ZSWIM5: variants seen among roughly 807,000 people sequenced by gnomAD.
The protein encoded by ZSWIM5 is zinc finger SWIM-type containing 5.
ZSWIM5 carries 55 observed loss-of-function variants against 119.6 expected under a neutral mutation model. That is an observed-to-expected ratio of 0.46 (90% CI 0.37 to 0.58). The LOEUF (loss-of-function observed/expected upper bound fraction) is 0.58, where lower values mean the gene tolerates loss of function less well. Among genes scored for constraint, ZSWIM5 ranks in the 20% least tolerant of loss-of-function variants. ZSWIM5 has a pLI of 0.00. For missense variants in ZSWIM5, 1,193 were observed against 1,512.8 expected (o/e 0.79, Z 3.51); for synonymous variants, 537 against 606.9 (o/e 0.88, Z 1.69).
rs1468946735 is a variant in ZSWIM5, at chr1:45,058,737, C to G, written c.1124G>C (p.Arg375Thr). The G allele has an allele frequency of 2.5e-6, 4 of 1,614,148 alleles. No individual in the cohort carries two copies. The highest frequency in any genetic ancestry group is 3.4e-6 in the Non-Finnish European group (4 of 1,180,038). ...FAKVREMLRM[R>T]DSNGARMLTL... Reference sequence around the variant, plus strand: ...CAGCATCCTTGCTCCATTGGAATCTCTCATCCGCAGCATTTCTCGAACCTG... The same window carrying G: ...CAGCATCCTTGCTCCATTGGAATCTGTCATCCGCAGCATTTCTCGAACCTG... Residue 375 changes from arginine to threonine, a missense_variant, in exon 4 of 14, where the codon AGA (arginine) becomes ACA (threonine). Transcript: ENST00000359600.
At chr1:45,200,549 G>C (rs1646152377) in intron 1 of ZSWIM5, among the ~76,000 whole-genome samples, 1 of 151,826 alleles carries the variant, frequency 6.6e-6, no homozygotes, top group African/African-American at 2.4e-5. Context: ...CATTTCTAAA[G>C]CTGAGTTATA....
At chr1:45,060,002 G>C (rs1570040983) in intron 3 of ZSWIM5, 97 bp downstream of exon 3, 1 of 1,414,806 alleles carries the variant, frequency 7.1e-7, no homozygotes, top group East Asian at 2.3e-5. Context: ...TGTCAAGTGA[G>C]CTAGGTATAA....
Position 45,036,147 on chromosome 1 carries a change from C to T in ZSWIM5, c.2047G>A (p.Asp683Asn). 1 of 1,614,118 alleles carries T rather than the reference C, an allele frequency of 6.2e-7. No individual in the cohort carries two copies. The highest frequency in any genetic ancestry group is 8.5e-7 in the Non-Finnish European group (1 of 1,180,032). ...RLMPEGLYAQ[D>N]KVCRNEEQLL... ...TGCTCCTCATTACGGCATACCTTGT[C>T]CTGTGCGTAGAGGCCTTCAGGCATT... Residue 683 changes from aspartate to asparagine, a missense_variant, in exon 9 of 14, where the codon GAC (aspartate) becomes AAC (asparagine). Transcript: ENST00000359600.
In ZSWIM5 at chr1:45,206,430, C is replaced by G; in HGVS notation, c.-80G>C. 2 of 1,255,642 alleles carry G rather than the reference C, an allele frequency of 1.6e-6. No homozygotes were observed. Among genetic ancestry groups the G allele is most frequent in the Non-Finnish European group, 2.0e-6 (2 of 1,001,214 alleles). 77.8% of individuals were successfully genotyped at this position (1,255,642 alleles called of 1,614,324 possible). On this transcript the variant is annotated 5_prime_UTR_variant, in exon 1 of 14. Transcript: ENST00000359600. ...AGACCCTGGCCACGGCCACGCGCCCCGCGCAAGCGCCCAGCGGTGGCGCCG... is the reference window on the plus strand; with the variant it reads ...AGACCCTGGCCACGGCCACGCGCCCGGCGCAAGCGCCCAGCGGTGGCGCCG...
rs1216113426 is a variant in ZSWIM5, at chr1:45,206,267, C to T, written c.84G>A (p.Pro28=). Residue 28 remains proline (P), a synonymous_variant, in exon 1 of 14, where the codon CCG becomes CCA. Coordinates refer to ENST00000359600, the MANE Select transcript of ZSWIM5 (RefSeq NM_020883.2). ...PAKRQCSWPS[P]QAHHPRGSPG... ...GCGAACCGCGAGGGTGATGAGCCTG[C>T]GGGCTGGGCCACGAACACTGCCGCT... is the stretch of plus-strand genomic sequence containing the variant. 1 of 1,581,112 alleles carries T rather than the reference C, an allele frequency of 6.3e-7. No individual in the cohort carries two copies. The highest frequency in any genetic ancestry group is 1.1e-5 in the South Asian group (1 of 87,022).
chr1:45,118,051 C>T (rs746232036), intron 1 of ZSWIM5, among the ~76,000 whole-genome samples: 3 of 151,728 alleles, frequency 2.0e-5, no homozygotes, highest in Non-Finnish European at 2.9e-5. Flanking sequence ...TGCAGGGAGC[C>T]GAGATCATGC....
intron 1 of ZSWIM5, among the ~76,000 whole-genome samples, chr1:45,204,790 C>T (rs935644629): frequency 8.6e-5 from 13 of 152,046 alleles, no homozygotes; most frequent in Admixed American, 3.3e-4. Flanking sequence ...ATATGTACTT[C>T]CAGAATGCCA....
Position 45,206,446 on chromosome 1 carries a change from G to A in ZSWIM5, c.-96C>T. ...CACGCGCCCCGCGCAAGCGCCCAGC[G>A]GTGGCGCCGAGGGGGGCGGGGCGAG... On this transcript the variant is annotated 5_prime_UTR_variant, in exon 1 of 14. Coordinates refer to ENST00000359600, the MANE Select transcript of ZSWIM5 (RefSeq NM_020883.2). The A allele has an allele frequency of 1.6e-6, 2 of 1,227,454 alleles. No homozygotes were observed. Among genetic ancestry groups the A allele is most frequent in the South Asian group, 7.9e-5 (2 of 25,174 alleles). 76.0% of individuals were successfully genotyped at this position (1,227,454 alleles called of 1,614,324 possible). A position where few individuals can be genotyped will look rare whatever the true frequency, so the allele number is the denominator to read the frequency against.
At chr1:45,096,961 G>A (rs113927241) in intron 1 of ZSWIM5, among the ~76,000 whole-genome samples, 8 of 152,110 alleles carry the variant, frequency 5.3e-5, no homozygotes, top group Non-Finnish European at 1.0e-4. Flanking sequence ...CTCCAAGTGC[G>A]ACTTAGGAAA....
intron 7 of ZSWIM5, among the ~76,000 whole-genome samples, chr1:45,039,463 G>T (rs1490538035): frequency 6.6e-6 from 1 of 152,168 alleles, no homozygotes; most frequent in Non-Finnish European, 1.5e-5. Context: ...TTGGCTCATT[G>T]CAACCTCCGC....
chr1:45,185,941 C>T (rs1646055586), intron 1 of ZSWIM5, among the ~76,000 whole-genome samples: 1 of 152,148 alleles, frequency 6.6e-6, no homozygotes, highest in South Asian at 2.1e-4. Flanking sequence ...GCTATAAAGA[C>T]ACATGCACAC....
intron 2 of ZSWIM5, among the ~76,000 whole-genome samples, chr1:45,062,367 A>G (rs1645157882): frequency 6.6e-6 from 1 of 152,160 alleles, no homozygotes; most frequent in Non-Finnish European, 1.5e-5. Flanking sequence ...TTTTTGTAGT[A>G]TATCTTATTC....
chr1:45,077,039 A>G (rs1645259831), intron 2 of ZSWIM5, among the ~76,000 whole-genome samples: 1 of 152,170 alleles, frequency 6.6e-6, no homozygotes, highest in South Asian at 2.1e-4. Context: ...AGTTTCCTCA[A>G]AACAGCTATT....
At chr1:45,087,339 C>G (rs1645336801) in intron 2 of ZSWIM5, among the ~76,000 whole-genome samples, 1 of 152,206 alleles carries the variant, frequency 6.6e-6, no homozygotes, top group African/African-American at 2.4e-5. Context: ...ACAATCAGCA[C>G]TATTCCCTGC....
chr1:45,039,299 A>G (rs977543583), intron 7 of ZSWIM5, among the ~76,000 whole-genome samples: 1 of 152,202 alleles, frequency 6.6e-6, no homozygotes, highest in African/African-American at 2.4e-5. Context: ...ACGTGGATAG[A>G]GCTTTACAGG....
At chr1:45,032,560 A>G (rs570846178) in intron 11 of ZSWIM5, among the ~76,000 whole-genome samples, 6 of 148,280 alleles carry the variant, frequency 4.0e-5, no homozygotes, top group Non-Finnish European at 8.9e-5. Context: ...AACTCGGCTC[A>G]CCGCAACCTC....
chr1:45,039,639 C>G (rs1484835869), intron 7 of ZSWIM5, among the ~76,000 whole-genome samples: 1 of 152,134 alleles, frequency 6.6e-6, no homozygotes, highest in Admixed American at 6.5e-5. Context: ...CCCGATTCAC[C>G]CTACCAAAGT....
chr1:45,128,218 T>C (rs925953522), intron 1 of ZSWIM5, among the ~76,000 whole-genome samples: 4 of 152,130 alleles, frequency 2.6e-5, no homozygotes, highest in Non-Finnish European at 5.9e-5. Context: ...ACACTCTTTC[T>C]TTCTCTCTCT....
At chr1:45,172,140 G>A (rs1388804946) in intron 1 of ZSWIM5, among the ~76,000 whole-genome samples, 1 of 151,956 alleles carries the variant, frequency 6.6e-6, no homozygotes, top group Non-Finnish European at 1.5e-5. Context: ...AAAAAAAAAG[G>A]AAAGATAATC....
Sources: allele counts gnomAD v4.1 joint callset (sites outside exome capture counted in the v4.1 genomes callset), GRCh38; gene constraint gnomAD v4.1.1; transcripts MANE v1.5; gene names NCBI Gene and HGNC (gene_info 2026-07-23, HGNC 2026-07-21).